SIPA1L2: variants seen among roughly 807,000 people sequenced by gnomAD.
The protein encoded by SIPA1L2 is signal-induced proliferation-associated 1-like protein 2.
A neutral mutation model predicts 163.9 loss-of-function variants in SIPA1L2; 56 were observed. That is an observed-to-expected ratio of 0.34 (90% confidence interval 0.28 to 0.43). The LOEUF (loss-of-function observed/expected upper bound fraction) is 0.43, where lower values mean the gene tolerates loss of function less well. Ranked by LOEUF, SIPA1L2 falls within the 20% of genes least tolerant of loss-of-function variation. The pLI, the probability that SIPA1L2 is intolerant of heterozygous loss-of-function variation, is 1.00. For missense variants in SIPA1L2, 1,974 were observed against 2,193.5 expected (o/e 0.90, Z 2.00); for synonymous variants, 877 against 865.7 (o/e 1.01, Z -0.23).
At position 232,514,299 on chromosome 1, in the gene SIPA1L2, C is replaced by T. The variant is rs753582159; in HGVS notation, c.1041G>A (p.Thr347=). The T allele has an allele frequency of 2.0e-5, 32 of 1,613,554 alleles. No homozygotes were observed. The highest frequency in any genetic ancestry group is 1.6e-4 in the South Asian group (15 of 91,084). ...ILFNINEAMA[T]RANVGKRKNI... is the part of the protein sequence containing the mutation. ...TTTTCCTTTTCCCCACATTAGCCCT[C>T]GTAGCCATGGCTTCGTTGATATTAA... Residue 347 remains threonine, a synonymous_variant, in exon 3 of 23, where the codon ACG becomes ACA. Coordinates refer to ENST00000674635, the MANE Select transcript of SIPA1L2 (RefSeq NM_020808.5).
At position 232,429,945 on chromosome 1, in the gene SIPA1L2, G is replaced by A. The variant is rs145008125; in HGVS notation, c.4257-1381C>T. 5.3e-5 allele frequency among the ~76,000 whole-genome samples: 8 copies of A among 152,254 alleles called. No individual in the cohort carries two copies. The East Asian group carries it at 1.2e-3, about 22-fold the overall frequency. On this transcript the variant is annotated intron_variant, in intron 16 of 22. Transcript: ENST00000674635. ...TCCATAATTACGATTACAATGTGCTGTTCTAGTTTCTATATACGTTTATAG... is the reference window on the plus strand; with the variant it reads ...TCCATAATTACGATTACAATGTGCTATTCTAGTTTCTATATACGTTTATAG...
At chr1:232,475,539 T>C (rs527890900) in intron 7 of SIPA1L2, among the ~76,000 whole-genome samples, 1 of 152,258 alleles carries the variant, frequency 6.6e-6, no homozygotes, top group Admixed American at 6.5e-5. Flanking sequence ...AAATAATAAC[T>C]AAGGAAGGGC....
Position 232,464,854 on chromosome 1 carries a change from C to T in SIPA1L2, c.2806G>A (p.Val936Ile). The change falls in exon 9 of 23, where the codon GTT becomes ATT. Residue 936 changes from valine to isoleucine, a missense_variant. Val to Ile is a conservative substitution (Grantham distance 29, BLOSUM62 3). Transcript: ENST00000674635. ...CATGTACTTACTACTAATCGCTGAACAATTTCCCTGATGTCTTCAGCACAG... is the reference window on the plus strand; with the variant it reads ...CATGTACTTACTACTAATCGCTGAATAATTTCCCTGATGTCTTCAGCACAG... ...DNCAEDIREI[V>I]QRLVIVTRGC... The T allele has an allele frequency of 6.2e-7, 1 of 1,600,934 alleles. No individual in the cohort carries two copies. The highest frequency in any genetic ancestry group is 2.2e-5 in the East Asian group (1 of 44,752).
chr1:232,504,810 T>G (rs1197505920), intron 3 of SIPA1L2, among the ~76,000 whole-genome samples: 3 of 152,138 alleles, frequency 2.0e-5, no homozygotes, highest in African/African-American at 7.2e-5. Context: ...GCACAACTAT[T>G]CTTACAAACA....
intron 13 of SIPA1L2, 40 bp from the exon 14 acceptor site, chr1:232,441,434 A>G: frequency 2.7e-6 from 4 of 1,496,654 alleles, no homozygotes; most frequent in South Asian, 2.3e-5. Context: ...TCCAATTTCC[A>G]GTATTACCAA....
intron 2 of SIPA1L2, among the ~76,000 whole-genome samples, chr1:232,543,045 C>T (rs1657786751): frequency 6.6e-6 from 1 of 152,180 alleles, no homozygotes; most frequent in African/African-American, 2.4e-5. Flanking sequence ...ATTTGTGCGC[C>T]TTCATGAGGC....
chr1:232,410,033 T>C (rs1233195959), intron 19 of SIPA1L2, among the ~76,000 whole-genome samples: 1 of 152,180 alleles, frequency 6.6e-6, no homozygotes, highest in East Asian at 1.9e-4. Flanking sequence ...TATAAAACCC[T>C]ATCTAAATTT....
rs756603654 is a variant in SIPA1L2 at position 232,514,827 on chromosome 1, G to A, written c.513C>T (p.Ala171=). 59 of 1,614,098 alleles carry A rather than the reference G, an allele frequency of 3.7e-5. No individual in the cohort carries two copies. The East Asian group carries it at 7.4e-4, about 20-fold the overall frequency. ...NSDVTISDID[A]EDVLDQNAVN... is the part of the protein sequence containing the mutation. The stretch of plus-strand genomic sequence containing the variant: ...CTGCATTTTGGTCTAAGACATCTTC[G>A]GCATCAATGTCACTGATAGTGACAT... The change falls in exon 3 of 23, where the codon GCC becomes GCT. Residue 171 remains alanine (A), a synonymous_variant. Transcript: ENST00000674635.
intron 10 of SIPA1L2, among the ~76,000 whole-genome samples, chr1:232,460,004 C>T (rs1664143970): frequency 6.6e-6 from 1 of 151,920 alleles, no homozygotes; most frequent in South Asian, 2.1e-4. Context: ...ACAGCAAATT[C>T]CTGGATTCCA....
rs966028636 is a variant in SIPA1L2 at position 232,491,016 on chromosome 1, G to C, written c.1664C>G (p.Thr555Ser). The C allele has an allele frequency of 6.2e-7, 1 of 1,614,152 alleles. No homozygotes were observed. Among genetic ancestry groups the C allele is most frequent in the South Asian group, 1.1e-5 (1 of 91,082 alleles). The change falls in exon 5 of 23, where the codon ACT becomes AGT. Residue 555 changes from threonine to serine, a missense_variant. By Grantham distance (58) the Thr-to-Ser change is moderately conservative. This residue lies in a region of SIPA1L2 where 288 missense variants were observed against 418.9 expected (regional missense o/e 0.69). Transcript: ENST00000674635. ...TCCTCGTGCGGTACCATGCCTAGCA[G>C]TAGAGGGTATAGCATCTTCTAAAAT... Reference protein sequence around the residue: ...GAILEDAIPSTARHGTARGLP... With the variant: ...GAILEDAIPSSARHGTARGLP...
chr1:232,481,186 A>G (rs1665336198), intron 6 of SIPA1L2, among the ~76,000 whole-genome samples: 1 of 152,254 alleles, frequency 6.6e-6, no homozygotes, highest in Admixed American at 6.5e-5. Context: ...CTTAGAAAGT[A>G]ACATTCCATT....
chr1:232,440,445 C>T (rs754172947), intron 14 of SIPA1L2, among the ~76,000 whole-genome samples: 2 of 152,172 alleles, frequency 1.3e-5, no homozygotes, highest in African/African-American at 2.4e-5. Context: ...ACTACGCCCA[C>T]ACCATGTATC....
At chr1:232,500,881 T>C (rs934075447) in intron 3 of SIPA1L2, among the ~76,000 whole-genome samples, 3 of 152,010 alleles carry the variant, frequency 2.0e-5, no homozygotes, top group African/African-American at 4.8e-5. Context: ...ATTCAATCAA[T>C]GTGGCAAACT....
At chr1:232,431,201 A>G (rs1226631510) in intron 16 of SIPA1L2, among the ~76,000 whole-genome samples, 1 of 152,222 alleles carries the variant, frequency 6.6e-6, no homozygotes, top group Non-Finnish European at 1.5e-5. Context: ...AAGCACTCAG[A>G]AGACTCTTAT....
At chr1:232,493,268 T>C (rs961528187) in intron 4 of SIPA1L2, among the ~76,000 whole-genome samples, 1 of 152,186 alleles carries the variant, frequency 6.6e-6, no homozygotes, top group Admixed American at 6.5e-5. Context: ...AAACCTTTTC[T>C]TCATAAATTA....
At chr1:232,457,150 A>C (rs1466811227) in intron 10 of SIPA1L2, among the ~76,000 whole-genome samples, 1 of 151,880 alleles carries the variant, frequency 6.6e-6, no homozygotes, top group African/African-American at 2.4e-5. Flanking sequence ...CTTTGGATTC[A>C]ACAGATTAAT....
intron 7 of SIPA1L2, among the ~76,000 whole-genome samples, chr1:232,473,310 C>A (rs1397432367): frequency 6.6e-6 from 1 of 152,226 alleles, no homozygotes; most frequent in Non-Finnish European, 1.5e-5. Flanking sequence ...GCAGTTCATA[C>A]TCTAGTTTAT....
intron 6 of SIPA1L2, 50 bp from the exon 7 acceptor site, chr1:232,479,780 GT>G: frequency 6.6e-7 from 1 of 1,504,638 alleles, no homozygotes; most frequent in Non-Finnish European, 9.2e-7. Context: ...TACAAAATTA[GT>G]GCTTCGATAT....
intron 15 of SIPA1L2, among the ~76,000 whole-genome samples, chr1:232,438,221 T>C (rs539332347): frequency 1.3e-5 from 2 of 152,266 alleles, no homozygotes; most frequent in African/African-American, 4.8e-5. Context: ...TGCTCCCTCA[T>C]AGCACTAGGT....
Sources: allele counts gnomAD v4.1 joint callset (sites outside exome capture counted in the v4.1 genomes callset), GRCh38; gene constraint gnomAD v4.1.1; regional missense constraint gnomAD v4.1.1; transcripts MANE v1.5; gene names NCBI Gene and HGNC (gene_info 2026-07-23, HGNC 2026-07-21).